KIF21A: variants seen among roughly 807,000 people sequenced by gnomAD.
KIF21A encodes the protein kinesin-like protein KIF21A.
Under a neutral mutation model 202.9 loss-of-function variants are expected in KIF21A, and 114 were observed. The ratio of observed to expected loss-of-function variants is 0.56; its 90% CI spans 0.48 to 0.66. The LOEUF (loss-of-function observed/expected upper bound fraction) is 0.66, where lower values mean the gene tolerates loss of function less well. KIF21A is among the 30% of genes least tolerant of loss of function. KIF21A has a pLI of 0.00. For synonymous variants in KIF21A, 667 were observed against 670.8 expected, an observed-to-expected ratio of 0.99 and a Z score of 0.09; for missense variants, 1,677 against 1,994.9, an observed-to-expected ratio of 0.84 and a Z score of 3.04.
chr12:39,436,450 T>TATATATATATATATATATATATA (rs1424166622), intron 1 of KIF21A, among the ~76,000 whole-genome samples: 44 of 60,758 alleles, frequency 7.2e-4, no homozygotes, highest in East Asian at 3.3e-3. Flanking sequence ...ATATATATAT[T>TATATATATATATATATATATATA]TTTTTTTTTT....
chr12:39,348,573 C>T (rs1948101961), intron 11 of KIF21A, among the ~76,000 whole-genome samples: 1 of 151,970 alleles, frequency 6.6e-6, no homozygotes, highest in Non-Finnish European at 1.5e-5. Flanking sequence ...TTCCTATCAA[C>T]TCTTACATTG....
chr12:39,322,729 T>A lies in KIF21A; in HGVS notation c.3610A>T (p.Thr1204Ser), dbSNP rs756814252. ...GAGAGCTCTTTTTCCCTAGCAGAAG[T>A]ACCACTTGTCTCTGTATTCATTCCA... Reference protein sequence around the residue: ...EIGMNTETSGTSAREKELSPP... With the variant: ...EIGMNTETSGSSAREKELSPP... Residue 1204 changes from threonine (T) to serine (S), a missense_variant, in exon 27 of 38, where the codon ACT (threonine) becomes TCT (serine). Thr to Ser is a moderately conservative substitution (Grantham distance 58). This residue lies in a region of KIF21A where 705 missense variants were observed against 791.9 expected (regional missense o/e 0.89). Transcript: ENST00000361418. 2.5e-6 allele frequency: 4 copies of A among 1,614,104 alleles called. No homozygotes were observed. The highest frequency in any genetic ancestry group is 3.4e-6 in the Non-Finnish European group (4 of 1,180,006).
At chr12:39,298,084 G>A (rs1325215318) in intron 37 of KIF21A, among the ~76,000 whole-genome samples, 1 of 152,064 alleles carries the variant, frequency 6.6e-6, no homozygotes, top group African/African-American at 2.4e-5. Context: ...TGGAGCAGCT[G>A]TTTTCAGACA....
intron 1 of KIF21A, among the ~76,000 whole-genome samples, chr12:39,373,574 G>A (rs901352982): frequency 3.9e-5 from 6 of 151,950 alleles, no homozygotes; most frequent in Admixed American, 6.6e-5. Context: ...AATAATAAAC[G>A]CAACACTCTA....
chr12:39,382,222 T>C (rs1316967706), intron 1 of KIF21A, among the ~76,000 whole-genome samples: 4 of 152,198 alleles, frequency 2.6e-5, no homozygotes, highest in East Asian at 1.9e-4. Context: ...CTGTCTTTCA[T>C]CATTCACTTA....
rs1360492822 is a variant in KIF21A at position 39,330,754 on chromosome 12, G to T, written c.3311C>A (p.Ala1104Asp). The T allele has an allele frequency of 2.5e-6, 4 of 1,613,752 alleles. No homozygotes were observed. In the African/African-American group the frequency reaches 5.3e-5, roughly 22 times the overall value. The change falls in exon 23 of 38, where the codon GCT (alanine) becomes GAT (aspartate). Residue 1104 changes from alanine to aspartate, a missense_variant. Physicochemically the swap from Ala to Asp is moderately radical, Grantham distance 126. Around this residue, in one of 3 missense-constraint regions of KIF21A, gnomAD observed 705 missense variants for 791.9 expected, o/e 0.89. Transcript: ENST00000361418. ...NPELDALLGH[A>D]LQDLDSVPLE... ...AATTGAGAGCAAATTACCTTGTAAAGCATGGCCTAGTAAAGCATCTAGCTC... is the reference window on the plus strand; with the variant it reads ...AATTGAGAGCAAATTACCTTGTAAATCATGGCCTAGTAAAGCATCTAGCTC...
At chr12:39,357,094 A>AT (rs1437709357) in intron 9 of KIF21A, among the ~76,000 whole-genome samples, 154 bp downstream of exon 9, 2 of 152,228 alleles carry the variant, frequency 1.3e-5, no homozygotes, top group East Asian at 1.9e-4. Flanking sequence ...AGAATTTATT[A>AT]TTTTTTGAAA....
intron 1 of KIF21A, among the ~76,000 whole-genome samples, chr12:39,421,795 T>G (rs1002598080): frequency 6.8e-6 from 1 of 146,990 alleles, no homozygotes; most frequent in Non-Finnish European, 1.5e-5. Flanking sequence ...TATGTATAAT[T>G]TTATATATTA....
rs1173632775 is a variant in KIF21A at position 39,341,614 on chromosome 12, A to T, written c.1812T>A (p.Ser604Arg). 3 of 1,607,566 alleles carry T rather than the reference A, an allele frequency of 1.9e-6. No homozygotes were observed. The African/African-American group carries it at 4.0e-5, about 22-fold the overall frequency. The stretch of plus-strand genomic sequence containing the variant: ...CATCCTCATGATCACTCACTTCTTG[A>T]CTTTCTTCCTAAAATGTGATTTGTA... ...RENNELEVEESQEVSDHEDEE... is the reference protein window; with the variant it reads ...RENNELEVEERQEVSDHEDEE... The change falls in exon 14 of 38, where the codon AGT becomes AGA. Residue 604 changes from serine to arginine, a missense_variant. Physicochemically the swap from Ser to Arg is moderately radical, Grantham distance 110. Coordinates refer to ENST00000361418, the MANE Select transcript of KIF21A (RefSeq NM_001173464.2).
intron 1 of KIF21A, among the ~76,000 whole-genome samples, chr12:39,385,413 C>T (rs1950879258): frequency 6.6e-6 from 1 of 152,122 alleles, no homozygotes; most frequent in Non-Finnish European, 1.5e-5. Context: ...AGCCCAACTA[C>T]CCAAATTTCT....
chr12:39,365,979 G>C (rs993293840), intron 6 of KIF21A, among the ~76,000 whole-genome samples: 1 of 152,184 alleles, frequency 6.6e-6, no homozygotes. Context: ...CTCCAGGAGA[G>C]TGGGTGACAG....
intron 1 of KIF21A, among the ~76,000 whole-genome samples, chr12:39,378,826 G>A (rs1018998601): frequency 6.6e-6 from 1 of 152,056 alleles, no homozygotes; most frequent in Non-Finnish European, 1.5e-5. Flanking sequence ...AAGGATAAAC[G>A]GAATAAAGAT....
chr12:39,435,768 G>A (rs1938603731), intron 1 of KIF21A, among the ~76,000 whole-genome samples: 1 of 151,788 alleles, frequency 6.6e-6, no homozygotes, highest in African/African-American at 2.4e-5. Context: ...GAACCAAAGT[G>A]GGAGGAAGCA....
intron 7 of KIF21A, among the ~76,000 whole-genome samples, chr12:39,359,388 T>C (rs1356092268): frequency 1.3e-5 from 2 of 152,164 alleles, no homozygotes; most frequent in African/African-American, 4.8e-5. Flanking sequence ...ATTATTATTA[T>C]ATTGAAATTT....
intron 31 of KIF21A, chr12:39,312,294 C>T (rs1445851147): frequency 1.3e-5 from 2 of 151,908 alleles, no homozygotes; most frequent in Non-Finnish European, 2.9e-5. Flanking sequence ...ATTGGATATT[C>T]TCACTTATTT....
chr12:39,406,764 T>A (rs1952622520), intron 1 of KIF21A, among the ~76,000 whole-genome samples: 1 of 152,168 alleles, frequency 6.6e-6, no homozygotes, highest in Non-Finnish European at 1.5e-5. Flanking sequence ...TGCCACAATC[T>A]CCACTTTACG....
chr12:39,295,535 T>G (rs1942226048), intron 37 of KIF21A, among the ~76,000 whole-genome samples: 1 of 152,182 alleles, frequency 6.6e-6, no homozygotes, highest in African/African-American at 2.4e-5. Context: ...TTGTAATCAG[T>G]TATCTTCTCA....
At chr12:39,350,523 G>A (rs1418738586) in intron 11 of KIF21A, among the ~76,000 whole-genome samples, 8 of 151,992 alleles carry the variant, frequency 5.3e-5, no homozygotes, top group Non-Finnish European at 1.0e-4. Flanking sequence ...TAAGTCATGT[G>A]CAAAAGTCTT....
At position 39,309,590 on chromosome 12, in the gene KIF21A, G is replaced by A. The variant is rs1291824309; in HGVS notation, c.4273C>T (p.Leu1425=). Residue 1425 remains leucine (L), a synonymous_variant, in exon 33 of 38, where the codon CTA becomes TTA. Transcript: ENST00000361418. The part of the protein sequence containing the change: ...IRDSAKCIRT[L]TSSGQVTLGD... ...ATATGTCTTCAAGTTACTTACGTTA[G>A]TGTTCGAATGCACTTTGCTGAATCT... 1 of 1,606,596 alleles carries A rather than the reference G, an allele frequency of 6.2e-7. No homozygotes were observed. The highest frequency in any genetic ancestry group is 8.5e-7 in the Non-Finnish European group (1 of 1,176,384).
Sources: allele counts gnomAD v4.1 joint callset (sites outside exome capture counted in the v4.1 genomes callset), GRCh38; gene constraint gnomAD v4.1.1; regional missense constraint gnomAD v4.1.1; transcripts MANE v1.5; gene names NCBI Gene and HGNC (gene_info 2026-07-23, HGNC 2026-07-21).